TBC1D5: variants seen among roughly 807,000 people sequenced by gnomAD.
The protein encoded by TBC1D5 is TBC1 domain family, member 5.
In TBC1D5, 75 loss-of-function variants were observed where a neutral mutation model predicts 100.3. That is an observed-to-expected ratio of 0.75 (90% confidence interval 0.62 to 0.91). The LOEUF (loss-of-function observed/expected upper bound fraction) is 0.91. TBC1D5 is among the 40% of genes least tolerant of loss of function. TBC1D5 has a pLI of 0.00. For synonymous variants in TBC1D5, 323 were observed against 325.6 expected, an observed-to-expected ratio of 0.99 and a Z score of 0.09; for missense variants, 910 against 942.4, an observed-to-expected ratio of 0.97 and a Z score of 0.45.
At chr3:17,290,713 T>C (rs1046427808) in intron 15 of TBC1D5, among the ~76,000 whole-genome samples, 5 of 152,134 alleles carry the variant, frequency 3.3e-5, no homozygotes, top group African/African-American at 1.2e-4. Flanking sequence ...CAAATACATA[T>C]GTACATAAAA....
intron 13 of TBC1D5, among the ~76,000 whole-genome samples, chr3:17,318,159 T>C (rs2084930508): frequency 7.2e-6 from 1 of 138,640 alleles, no homozygotes; most frequent in East Asian, 2.1e-4. Context: ...TTCTCACTCA[T>C]AGATGGGAAC....
chr3:17,694,468 GA>G (rs2071682818), intron 1 of TBC1D5, among the ~76,000 whole-genome samples: 1 of 152,136 alleles, frequency 6.6e-6, no homozygotes, highest in African/African-American at 2.4e-5. Flanking sequence ...GTCAACAGCC[GA>G]TTTGATCAAC....
intron 13 of TBC1D5, among the ~76,000 whole-genome samples, chr3:17,313,667 T>A (rs1351645023): frequency 6.6e-6 from 1 of 152,176 alleles, no homozygotes; most frequent in South Asian, 2.1e-4. Flanking sequence ...AATCTCCTAA[T>A]ACATTTATAC....
intron 3 of TBC1D5, among the ~76,000 whole-genome samples, chr3:17,504,880 T>C (rs1485447101): frequency 6.6e-6 from 1 of 152,230 alleles, no homozygotes; most frequent in African/African-American, 2.4e-5. Context: ...AGCATCATCT[T>C]ATTATATCGA....
intron 14 of TBC1D5, among the ~76,000 whole-genome samples, chr3:17,302,036 A>T (rs1002834711): frequency 3.3e-5 from 5 of 152,344 alleles, no homozygotes; most frequent in Admixed American, 2.6e-4. Context: ...ACTGTTTCAC[A>T]ATTCTGAAAG....
intron 2 of TBC1D5, among the ~76,000 whole-genome samples, chr3:17,594,846 G>C (rs576747248): frequency 6.6e-6 from 1 of 152,104 alleles, no homozygotes; most frequent in Non-Finnish European, 1.5e-5. Flanking sequence ...AGGGGTGGAC[G>C]TGTGATGGTT....
chr3:17,293,858 T>C (rs768136393), intron 14 of TBC1D5, among the ~76,000 whole-genome samples: 22 of 152,246 alleles, frequency 1.4e-4, no homozygotes, highest in Non-Finnish European at 2.1e-4. Flanking sequence ...CTAAGAACTT[T>C]ACCTACATTA....
chr3:17,542,792 C>T (rs2096371650), intron 2 of TBC1D5, among the ~76,000 whole-genome samples: 2 of 152,156 alleles, frequency 1.3e-5, no homozygotes. Flanking sequence ...ATCATCCTTG[C>T]ATTCCAGGAA....
intron 1 of TBC1D5, among the ~76,000 whole-genome samples, chr3:17,722,813 C>A (rs1195921225): frequency 6.6e-6 from 1 of 152,182 alleles, no homozygotes; most frequent in Non-Finnish European, 1.5e-5. Context: ...TCTGTTTGCT[C>A]TTCCCACTAT....
At chr3:17,579,166 G>T (rs1360317999) in intron 2 of TBC1D5, among the ~76,000 whole-genome samples, 2 of 151,746 alleles carry the variant, frequency 1.3e-5, no homozygotes, top group African/African-American at 4.8e-5. Context: ...AAATTAAAAA[G>T]TTTTTTTTAA....
intron 4 of TBC1D5, among the ~76,000 whole-genome samples, chr3:17,422,338 TG>T (rs2094228280): frequency 6.6e-6 from 1 of 151,750 alleles, no homozygotes; most frequent in African/African-American, 2.4e-5. Context: ...TGGCTAATTT[TG>T]TTTTTTGTTT....
intron 18 of TBC1D5, among the ~76,000 whole-genome samples, chr3:17,204,215 G>C (rs1373440056): frequency 6.6e-6 from 1 of 152,194 alleles, no homozygotes; most frequent in Non-Finnish European, 1.5e-5. Context: ...GGAAAGAAGA[G>C]GACAACCATG....
intron 2 of TBC1D5, among the ~76,000 whole-genome samples, chr3:17,611,828 T>C (rs574010581): frequency 6.6e-6 from 1 of 152,302 alleles, no homozygotes; most frequent in South Asian, 2.1e-4. Flanking sequence ...GCCTATAAAA[T>C]GCTAAGAATA....
intron 2 of TBC1D5, among the ~76,000 whole-genome samples, chr3:17,578,354 T>C (rs1204902197): frequency 2.1e-4 from 32 of 151,936 alleles, no homozygotes; most frequent in Admixed American, 2.1e-3. Context: ...ATCTACAAGA[T>C]TGCCAAAGCA....
chr3:17,361,656 G>A (rs1447461694), intron 13 of TBC1D5, among the ~76,000 whole-genome samples: 1 of 151,838 alleles, frequency 6.6e-6, no homozygotes, highest in Non-Finnish European at 1.5e-5. Context: ...GTACAAAAAG[G>A]AAGCCTTAAA....
At chr3:17,691,548 G>A (rs1447368870) in intron 1 of TBC1D5, among the ~76,000 whole-genome samples, 2 of 152,190 alleles carry the variant, frequency 1.3e-5, no homozygotes, top group Admixed American at 1.3e-4. Context: ...GCCGGGCGCC[G>A]TGGCTCATAC....
At chr3:17,471,947 C>A (rs564618768) in intron 3 of TBC1D5, among the ~76,000 whole-genome samples, 4 of 152,084 alleles carry the variant, frequency 2.6e-5, no homozygotes, top group African/African-American at 9.6e-5. Flanking sequence ...TACCACATGA[C>A]GAAATCTACC....
intron 16 of TBC1D5, among the ~76,000 whole-genome samples, chr3:17,239,020 GTTTA>G (rs1313917134): frequency 6.6e-6 from 1 of 151,838 alleles, no homozygotes; most frequent in African/African-American, 2.4e-5. Context: ...CACTTCCCTG[GTTTA>G]TTTTTCTCGA....
chr3:17,704,468 G>A (rs1425475031), intron 1 of TBC1D5, among the ~76,000 whole-genome samples: 6 of 145,324 alleles, frequency 4.1e-5, no homozygotes, highest in African/African-American at 1.2e-4. Context: ...TGGCCGGGCA[G>A]AGGGGCTCCT....
Sources: allele counts gnomAD v4.1 joint callset (sites outside exome capture counted in the v4.1 genomes callset), GRCh38; gene constraint gnomAD v4.1.1; transcripts MANE v1.5; gene names NCBI Gene and HGNC (gene_info 2026-07-23, HGNC 2026-07-21).